MARCHF3: variants seen among roughly 807,000 people sequenced by gnomAD.
The protein encoded by MARCHF3 is membrane associated ring-CH-type finger 3, also known as E3 ubiquitin-protein ligase MARCHF3.
Under a neutral mutation model 24.2 loss-of-function variants are expected in MARCHF3, and 13 were observed. The ratio of observed to expected loss-of-function variants is 0.54; its 90% CI spans 0.35 to 0.85. MARCHF3 has a LOEUF of 0.85. MARCHF3 is among the 40% of genes least tolerant of loss of function. MARCHF3 has a pLI of 0.01. For synonymous variants in MARCHF3, 144 were observed against 137.3 expected, an observed-to-expected ratio of 1.05 and a Z score of -0.34; for missense variants, 276 against 325.0, an observed-to-expected ratio of 0.85 and a Z score of 1.16.
chr5:126,952,346 T>G (rs1750273771), intron 1 of MARCHF3, among the ~76,000 whole-genome samples: 8 of 152,168 alleles, frequency 5.3e-5, no homozygotes, highest in Non-Finnish European at 1.2e-4. Flanking sequence ...CTTTCAAAAT[T>G]TATAAAGGTA....
chr5:126,876,013 C>G (rs1753144443), intron 4 of MARCHF3, among the ~76,000 whole-genome samples: 1 of 152,068 alleles, frequency 6.6e-6, no homozygotes, highest in Admixed American at 6.5e-5. Context: ...ATAGCACTGC[C>G]CGTGAGAAAC....
intron 1 of MARCHF3, among the ~76,000 whole-genome samples, chr5:127,007,952 G>A (rs1341733005): frequency 6.6e-6 from 1 of 152,088 alleles, no homozygotes; most frequent in Non-Finnish European, 1.5e-5. Flanking sequence ...CTACAGACAT[G>A]AGGGAACCAC....
At chr5:126,996,205 G>A (rs780855891) in intron 1 of MARCHF3, among the ~76,000 whole-genome samples, 1 of 152,142 alleles carries the variant, frequency 6.6e-6, no homozygotes, top group Non-Finnish European at 1.5e-5. Context: ...GAAAGAGCAG[G>A]AGAGGAAAGA....
intron 1 of MARCHF3, among the ~76,000 whole-genome samples, chr5:126,976,053 G>A (rs1204164890): frequency 6.6e-6 from 1 of 152,158 alleles, no homozygotes; most frequent in African/African-American, 2.4e-5. Context: ...GGTTTCCACT[G>A]TCTTTTTTTC....
chr5:127,008,972 T>C (rs73786294), intron 1 of MARCHF3, among the ~76,000 whole-genome samples: 7,823 of 151,914 alleles, frequency 0.051, 376 homozygotes, highest in South Asian at 0.14. Context: ...AGAGAGGAGG[T>C]GTTATTTTTA....
rs558200792 is a variant in MARCHF3, at chr5:127,006,158, G to A, written c.-57+24192C>T. On this transcript the variant is annotated intron_variant, in intron 1 of 4. Transcript: ENST00000308660. ...GCGGAGGTTGCAGTGAGCCGAGATC[G>A]CACCACTGGACTCCAGCCTGGGAGA... is the stretch of plus-strand genomic sequence containing the variant. Among the ~76,000 whole-genome samples the A allele has an allele frequency of 6.9e-4, 100 of 145,680 alleles. 1 individual carries two copies. The highest frequency in any genetic ancestry group is 2.4e-3 in the Admixed American group (35 of 14,456).
intron 1 of MARCHF3, among the ~76,000 whole-genome samples, chr5:126,946,769 T>TGTGTGTGTGC (rs1436127032): frequency 6.7e-6 from 1 of 149,154 alleles, no homozygotes; most frequent in African/African-American, 2.5e-5. Flanking sequence ...GGGGTGTGTG[T>TGTGTGTGTGC]GTGTGTGTGT....
At chr5:126,971,846 G>A (rs535164679) in intron 1 of MARCHF3, among the ~76,000 whole-genome samples, 2 of 152,298 alleles carry the variant, frequency 1.3e-5, no homozygotes, top group Admixed American at 1.3e-4. Flanking sequence ...TACTGCATTT[G>A]CACAGAAACC....
In MARCHF3 at chr5:126,945,164, C is replaced by T. The variant is rs72780298; in HGVS notation, c.-56-26937G>A. The stretch of plus-strand genomic sequence containing the variant: ...GCTCGTACTGTCTCACTGATCTCTT[C>T]TCAGCTTCACATTCAATGAAGCCAT... On this transcript the variant is annotated intron_variant, in intron 1 of 4. Coordinates refer to ENST00000308660, the MANE Select transcript of MARCHF3 (RefSeq NM_178450.5). Among the ~76,000 whole-genome samples, 1,228 of 152,336 alleles carry T rather than the reference C, an allele frequency of 8.1e-3. 8 individuals carry two copies. The highest frequency in any genetic ancestry group is 0.012 in the Non-Finnish European group (821 of 68,042).
At chr5:126,895,100 A>C (rs1325762928) in intron 3 of MARCHF3, among the ~76,000 whole-genome samples, 1 of 152,008 alleles carries the variant, frequency 6.6e-6, no homozygotes, top group Non-Finnish European at 1.5e-5. Flanking sequence ...AGTTGATCGC[A>C]TCAGCTCCTG....
In MARCHF3 at chr5:126,976,903, C is replaced by T. The variant is rs372171631; in HGVS notation, c.-57+53447G>A. On this transcript the variant is annotated intron_variant, in intron 1 of 4. Transcript: ENST00000308660. ...CCTGATCTGGTTTACATCCACCGAT[C>T]CTGGGTTTGCTTCTTGGTCCCATCC... Among the ~76,000 whole-genome samples the T allele has an allele frequency of 2.0e-5, 3 of 152,192 alleles. No individual in the cohort carries two copies. The East Asian group carries it at 5.8e-4, about 29-fold the overall frequency.
intron 1 of MARCHF3, among the ~76,000 whole-genome samples, chr5:127,025,379 G>C (rs1051605158): frequency 1.3e-5 from 2 of 149,942 alleles, no homozygotes; most frequent in Non-Finnish European, 1.5e-5. Context: ...TTTAAAGCAA[G>C]CAGGGTGAGC....
intron 1 of MARCHF3, among the ~76,000 whole-genome samples, chr5:126,942,937 C>T (rs571931703): frequency 6.6e-6 from 1 of 152,150 alleles, no homozygotes; most frequent in East Asian, 1.9e-4. Context: ...ATAAAGGATG[C>T]TAAAATTCCT....
At chr5:126,890,152 G>A (rs1753633535) in intron 3 of MARCHF3, among the ~76,000 whole-genome samples, 1 of 152,164 alleles carries the variant, frequency 6.6e-6, no homozygotes, top group South Asian at 2.1e-4. Context: ...TATCTGAGCA[G>A]AGGGCAATGT....
At chr5:126,916,684 G>GACACACACACACACAC (rs1409013068) in intron 2 of MARCHF3, among the ~76,000 whole-genome samples, 83 of 93,474 alleles carry the variant, frequency 8.9e-4, no homozygotes, top group African/African-American at 3.4e-3. Flanking sequence ...CTGACAGACA[G>GACACACACACACACAC]ACAGACAGAC....
At chr5:126,998,924 A>G (rs1389358606) in intron 1 of MARCHF3, among the ~76,000 whole-genome samples, 1 of 152,218 alleles carries the variant, frequency 6.6e-6, no homozygotes, top group Non-Finnish European at 1.5e-5. Context: ...AGAGTTGGAA[A>G]AAATATTACT....
At chr5:126,919,767 G>T (rs1749037183) in intron 1 of MARCHF3, among the ~76,000 whole-genome samples, 1 of 152,200 alleles carries the variant, frequency 6.6e-6, no homozygotes, top group African/African-American at 2.4e-5. Flanking sequence ...GAGGTGTCTG[G>T]CTGGCTTTGC....
chr5:126,887,937 GTTTA>G lies in MARCHF3; in HGVS notation c.394-9547_394-9544del, dbSNP rs1753556552. 3.3e-5 allele frequency among the ~76,000 whole-genome samples: 5 copies of G among 152,240 alleles called. No individual in the cohort carries two copies. In the South Asian group the frequency reaches 1.0e-3, roughly 32 times the overall value. Reference sequence around the variant, plus strand: ...TGCCACCATTACCAGAGACAATCTTGTTTATTTATTTACTTGTTCATTCTGTTCC... The same window carrying G: ...TGCCACCATTACCAGAGACAATCTTGTTTATTTACTTGTTCATTCTGTTCC... On this transcript the variant is annotated intron_variant, in intron 3 of 4. Transcript: ENST00000308660.
At chr5:127,023,713 A>AT (rs1752893802) in intron 1 of MARCHF3, among the ~76,000 whole-genome samples, 1 of 151,072 alleles carries the variant, frequency 6.6e-6, no homozygotes, top group African/African-American at 2.4e-5. Flanking sequence ...CCTGGGTGAC[A>AT]TAGCGAGATT....
Sources: gnomAD v4.1 joint callset for allele counts (sites outside exome capture counted in the v4.1 genomes callset) on GRCh38, gnomAD v4.1.1 for gene constraint, MANE v1.5 for transcripts, NCBI Gene and HGNC (gene_info 2026-07-23, HGNC 2026-07-21) for gene names.